Variants in ERICH6B observed in about 807,000 individuals in gnomAD.
The protein encoded by ERICH6B is glutamate rich 6B.
Under a neutral mutation model 80.0 loss-of-function variants are expected in ERICH6B, and 69 were observed. That is an observed-to-expected ratio of 0.86 (90% CI 0.71 to 1.05). ERICH6B has a LOEUF of 1.05. Among genes scored for constraint, ERICH6B ranks in the 50% least tolerant of loss-of-function variants. The pLI is 0.00. For missense variants in ERICH6B, 754 were observed against 796.1 expected (o/e 0.95, Z 0.64); for synonymous variants, 283 against 291.9 (o/e 0.97, Z 0.31).
intron 7 of ERICH6B, 89 bp downstream of exon 7, chr13:45,579,844 A>G: frequency 1.3e-5 from 17 of 1,312,562 alleles, no homozygotes; most frequent in Non-Finnish European, 1.8e-5. Flanking sequence ...GCTGGATCAG[A>G]GAGGGAGCCA....
chr13:45,589,717 GC>G (rs1477799974), intron 4 of ERICH6B, among the ~76,000 whole-genome samples: 2 of 152,188 alleles, frequency 1.3e-5, no homozygotes, highest in Admixed American at 6.5e-5. Context: ...TCACTGTCAG[GC>G]CCCTTCACTG....
chr13:45,555,135 G>A (rs1874383827), intron 11 of ERICH6B, among the ~76,000 whole-genome samples: 1 of 152,192 alleles, frequency 6.6e-6, no homozygotes, highest in African/African-American at 2.4e-5. Context: ...TCTGAGGCAG[G>A]ATAGGGCCTG....
Position 45,545,003 on chromosome 13 carries a change from A to G in ERICH6B, c.1647-18T>C, listed in dbSNP as rs1333800946. On this transcript the variant is annotated intron_variant, in intron 13 of 14. Coordinates refer to ENST00000298738, the MANE Select transcript of ERICH6B (RefSeq NM_182542.3). Reference sequence around the variant, plus strand: ...GGTTCAACCTGGACCAGGAGAAAGCATGTCAGGCAGCCAGGGCGCTCAGCC... The same window carrying G: ...GGTTCAACCTGGACCAGGAGAAAGCGTGTCAGGCAGCCAGGGCGCTCAGCC... The G allele has an allele frequency of 2.6e-6, 4 of 1,546,346 alleles. No individual in the cohort carries two copies. The highest frequency in any genetic ancestry group is 3.5e-6 in the Non-Finnish European group (4 of 1,143,944).
At chr13:45,614,116 C>A (rs541808949) in intron 1 of ERICH6B, among the ~76,000 whole-genome samples, 1 of 152,158 alleles carries the variant, frequency 6.6e-6, no homozygotes, top group Non-Finnish European at 1.5e-5. Flanking sequence ...AATATATTAA[C>A]GGGCCCTCTT....
chr13:45,572,876 G>A (rs920914287), intron 8 of ERICH6B, among the ~76,000 whole-genome samples: 8 of 152,030 alleles, frequency 5.3e-5, no homozygotes, highest in African/African-American at 1.9e-4. Context: ...CTTTCATAAT[G>A]GAGGAGATGC....
At chr13:45,546,324 G>T (rs1873988262) in intron 13 of ERICH6B, among the ~76,000 whole-genome samples, 2 of 152,300 alleles carry the variant, frequency 1.3e-5, no homozygotes, top group South Asian at 4.1e-4. Flanking sequence ...AACATCTCTA[G>T]GGAATCACAT....
chr13:45,596,901 T>A lies in ERICH6B; in HGVS notation c.105A>T (p.Glu35Asp), dbSNP rs773005410. Residue 35 changes from glutamate to aspartate, a missense_variant, in exon 3 of 15, where the codon GAA becomes GAT. Glu to Asp is a conservative substitution (Grantham distance 45, BLOSUM62 2). Transcript: ENST00000298738. ...QNLPSEKEDT[E>D]VELDEESLQD... ...GTAGACTTTCCTCATCTAGTTCTACTTCAGTATCCTCTTTCTCTGAAGGCA... is the reference window on the plus strand; with the variant it reads ...GTAGACTTTCCTCATCTAGTTCTACATCAGTATCCTCTTTCTCTGAAGGCA... 2.6e-6 allele frequency: 4 copies of A among 1,551,872 alleles called. No individual in the cohort carries two copies. Among genetic ancestry groups the A allele is most frequent in the Non-Finnish European group, 1.7e-6 (2 of 1,147,032 alleles).
chr13:45,579,798 A>G, intron 7 of ERICH6B, 135 bp downstream of exon 7: 1 of 761,524 alleles, frequency 1.3e-6, no homozygotes, highest in South Asian at 1.7e-5. Flanking sequence ...CCGTGTGCCC[A>G]GGATGCCCCT....
At chr13:45,603,561 T>A (rs1949839178) in intron 2 of ERICH6B, among the ~76,000 whole-genome samples, 1 of 152,284 alleles carries the variant, frequency 6.6e-6, no homozygotes, top group Non-Finnish European at 1.5e-5. Flanking sequence ...TTTCCTAACA[T>A]GCCAGGTGCT....
At chr13:45,566,295 G>C (rs1874910168) in intron 9 of ERICH6B, among the ~76,000 whole-genome samples, 2 of 152,218 alleles carry the variant, frequency 1.3e-5, no homozygotes, top group South Asian at 4.1e-4. Context: ...CCTATTTTCT[G>C]AGAAGAAAAT....
intron 1 of ERICH6B, among the ~76,000 whole-genome samples, chr13:45,613,775 C>T (rs1291434375): frequency 6.6e-6 from 1 of 152,192 alleles, no homozygotes; most frequent in African/African-American, 2.4e-5. Flanking sequence ...TAAACTCACA[C>T]TTGCTTTTTT....
chr13:45,576,691 T>G (rs73466512), intron 7 of ERICH6B, among the ~76,000 whole-genome samples: 1 of 151,960 alleles, frequency 6.6e-6, no homozygotes, highest in Non-Finnish European at 1.5e-5. Flanking sequence ...CTTCCCATCA[T>G]TTGCGATTGC....
rs1039976572 is a variant in ERICH6B, at chr13:45,544,917, C to T, written c.1715G>A (p.Trp572Ter). 17 of 1,551,578 alleles carry T rather than the reference C, an allele frequency of 1.1e-5. No homozygotes were observed. The highest frequency in any genetic ancestry group is 1.2e-5 in the Non-Finnish European group (14 of 1,147,000). ...KDKRQKAWNW[W>*]NLNIHVHAPP... Reference sequence around the variant, plus strand: ...TGCGTGGACATGGATGTTCAGATTCCACCAGTTCCAGGCCTTCTGGCGTTT... The same window carrying T: ...TGCGTGGACATGGATGTTCAGATTCTACCAGTTCCAGGCCTTCTGGCGTTT... The change falls in exon 14 of 15, where the codon TGG (tryptophan) becomes TAG (stop). Residue 572 changes from tryptophan (W) to a stop codon, truncating the protein, a stop_gained. Coordinates refer to ENST00000298738, the MANE Select transcript of ERICH6B (RefSeq NM_182542.3). LOFTEE classifies it high-confidence loss of function.
chr13:45,581,710 C>T (rs1459939332), intron 5 of ERICH6B, among the ~76,000 whole-genome samples: 1 of 152,180 alleles, frequency 6.6e-6, no homozygotes, highest in Non-Finnish European at 1.5e-5. Context: ...CTAATAGGCC[C>T]ATGATGAAAA....
intron 4 of ERICH6B, among the ~76,000 whole-genome samples, chr13:45,587,557 C>T (rs767163999): frequency 2.0e-5 from 3 of 152,170 alleles, no homozygotes; most frequent in Non-Finnish European, 4.4e-5. Context: ...CCTGCTTATT[C>T]TAGTGCCTTT....
chr13:45,552,899 C>T, intron 11 of ERICH6B: 1 of 200,854 alleles, frequency 5.0e-6, no homozygotes, highest in Non-Finnish European at 1.1e-5. Flanking sequence ...TCATGGTTGG[C>T]CATGGAGTCC....
chr13:45,560,899 G>C (rs1874643846), intron 11 of ERICH6B, among the ~76,000 whole-genome samples: 1 of 152,102 alleles, frequency 6.6e-6, no homozygotes, highest in African/African-American at 2.4e-5. Flanking sequence ...TTTGTTAGGG[G>C]GATGGATCTA....
At chr13:45,608,466 TTGTTA>T (rs1262910196) in intron 1 of ERICH6B, among the ~76,000 whole-genome samples, 1 of 152,220 alleles carries the variant, frequency 6.6e-6, no homozygotes, top group Non-Finnish European at 1.5e-5. Flanking sequence ...TTATGGCTCT[TTGTTA>T]AAATACTATT....
At chr13:45,541,978 C>T (rs1248252782) in intron 14 of ERICH6B, among the ~76,000 whole-genome samples, 6 of 152,188 alleles carry the variant, frequency 3.9e-5, no homozygotes, top group African/African-American at 1.2e-4. Flanking sequence ...CCTCCAAAGG[C>T]GGTGCTTTCC....
Sources: gnomAD v4.1 joint callset for allele counts (sites outside exome capture counted in the v4.1 genomes callset) on GRCh38, gnomAD v4.1.1 for gene constraint, MANE v1.5 for transcripts, NCBI Gene and HGNC (gene_info 2026-07-23, HGNC 2026-07-21) for gene names.